Variants in PCDHGA1 observed in about 807,000 individuals in gnomAD.
PCDHGA1 encodes the protein protocadherin gamma subfamily A, 1, also known as protocadherin gamma-A1.
PCDHGA1 carries 32 observed loss-of-function variants against 58.0 expected under a neutral mutation model. The ratio of observed to expected loss-of-function variants is 0.55; its 90% CI spans 0.42 to 0.74. The LOEUF is 0.74. PCDHGA1 is among the 30% of genes least tolerant of loss of function. The pLI is 0.00. For synonymous variants in PCDHGA1, 498 were observed against 501.1 expected (o/e 0.99, Z 0.08); for missense variants, 1,205 against 1,182.3 (o/e 1.02, Z -0.28).
At chr5:141,374,042 C>G (rs757758510) in intron 1 of PCDHGA1, 4 of 1,460,408 alleles carry the variant, frequency 2.7e-6, no homozygotes, top group Admixed American at 5.4e-5. Context: ...CAGATCTGTT[C>G]TTCCTCTTCT....
chr5:141,470,972 C>T (rs1186771156), intron 1 of PCDHGA1, among the ~76,000 whole-genome samples: 3 of 151,988 alleles, frequency 2.0e-5, no homozygotes, highest in Non-Finnish European at 4.4e-5. Flanking sequence ...CCACCTCAGC[C>T]TCCCAAAGTG....
intron 1 of PCDHGA1, among the ~76,000 whole-genome samples, chr5:141,459,575 G>T (rs2098970751): frequency 1.3e-5 from 2 of 152,132 alleles, no homozygotes; most frequent in Admixed American, 6.5e-5. Context: ...AAACAGAATT[G>T]TTTTGGGGGT....
At chr5:141,406,185 A>G (rs1204342088) in intron 1 of PCDHGA1, among the ~76,000 whole-genome samples, 1 of 150,712 alleles carries the variant, frequency 6.6e-6, no homozygotes, top group Non-Finnish European at 1.5e-5. Flanking sequence ...CAATCCTCCC[A>G]CCTCAGCCTT....
intron 1 of PCDHGA1, chr5:141,355,788 G>A: frequency 6.2e-7 from 1 of 1,613,646 alleles, no homozygotes; most frequent in Non-Finnish European, 8.5e-7. Flanking sequence ...AGCTGGTGCT[G>A]GAACGCGCTC....
At chr5:141,344,310 G>A (rs372211258) in intron 1 of PCDHGA1, 1 of 1,614,090 alleles carries the variant, frequency 6.2e-7, no homozygotes, top group Non-Finnish European at 8.5e-7. Flanking sequence ...GATAGACCGG[G>A]AGGAGCTCTG....
Position 141,344,379 on chromosome 5 carries a change from A to C in PCDHGA1, c.2421+11274A>C. The C allele has an allele frequency of 5.0e-6, 8 of 1,613,106 alleles. No individual in the cohort carries two copies. Among genetic ancestry groups the C allele is most frequent in the Non-Finnish European group, 5.9e-6 (7 of 1,179,586 alleles). On this transcript the variant is annotated intron_variant, in intron 1 of 3. Coordinates refer to ENST00000517417, the MANE Select transcript of PCDHGA1 (RefSeq NM_018912.3). Reference sequence around the variant, plus strand: ...CATTCTGGTTGAGGATAAATTGAAAATTTTTGAAGTAGAAATAGAAATTAA... The same window carrying C: ...CATTCTGGTTGAGGATAAATTGAAACTTTTTGAAGTAGAAATAGAAATTAA...
At chr5:141,371,589 A>C (rs754175637) in intron 1 of PCDHGA1, 1 of 1,613,602 alleles carries the variant, frequency 6.2e-7, no homozygotes, top group South Asian at 1.1e-5. Context: ...TCAAGATACC[A>C]AAAACACATA....
At position 141,432,156 on chromosome 5, in the gene PCDHGA1, C is replaced by A; in HGVS notation, c.2422-62651C>A. On this transcript the variant is annotated intron_variant, in intron 1 of 3. Transcript: ENST00000517417. This position sits in a 1 kb window ranked among gnomAD's most constrained non-coding sequence, Gnocchi z 6.0. Reference sequence around the variant, plus strand: ...TCCGCTTATATCCCAGAGAACAATCCCAGAGGAGTTTCCCTCGTCTCTGTG... The same window carrying A: ...TCCGCTTATATCCCAGAGAACAATCACAGAGGAGTTTCCCTCGTCTCTGTG... The A allele has an allele frequency of 6.2e-7, 1 of 1,614,142 alleles. No homozygotes were observed. Among genetic ancestry groups the A allele is most frequent in the East Asian group, 2.2e-5 (1 of 44,874 alleles).
chr5:141,489,013 C>T lies in PCDHGA1; in HGVS notation c.2422-5794C>T, dbSNP rs533320646. ...AGGTGGGAGATCTGCTCTTCCAGCC[C>T]GCCTCTCCTCCTCCAGCTCCCCAGC... On this transcript the variant is annotated intron_variant, in intron 1 of 3. Coordinates refer to ENST00000517417, the MANE Select transcript of PCDHGA1 (RefSeq NM_018912.3). The surrounding 1 kb of genome is among the most constrained non-coding windows in gnomAD (Gnocchi z 4.5). 4.6e-5 allele frequency: 20 copies of T among 438,612 alleles called. No homozygotes were observed. Among genetic ancestry groups the T allele is most frequent in the East Asian group, 2.7e-4 (8 of 29,802 alleles). The allele number at this position is 438,612 out of a possible 1,614,324, so 27.2% of individuals were successfully genotyped here.
chr5:141,374,627 G>A (rs955993144), intron 1 of PCDHGA1: 2 of 1,613,064 alleles, frequency 1.2e-6, no homozygotes, highest in African/African-American at 1.3e-5. Flanking sequence ...CTCAGTGGAC[G>A]TGCAAAGCGA....
rs1760455892 is a variant in PCDHGA1 at position 141,357,080 on chromosome 5, G to A, written c.2421+23975G>A. The A allele has an allele frequency of 3.1e-6, 5 of 1,613,806 alleles. No homozygotes were observed. In the African/African-American group the frequency reaches 4.0e-5, roughly 13 times the overall value. On this transcript the variant is annotated intron_variant, in intron 1 of 3. Transcript: ENST00000517417. ...GTGGGGCTGCACACAGGCGAGGTGC[G>A]CACCGCACGGGCCCTGCTGGACAGA...
At chr5:141,439,500 TTCTC>T (rs1399113868) in intron 1 of PCDHGA1, among the ~76,000 whole-genome samples, 9 of 152,246 alleles carry the variant, frequency 5.9e-5, no homozygotes, top group Admixed American at 2.0e-4. Context: ...AGAAACGTCT[TTCTC>T]TCTGCTCTCA....
intron 1 of PCDHGA1, chr5:141,342,484 T>G (rs1757167035): frequency 6.6e-6 from 1 of 152,236 alleles, no homozygotes; most frequent in South Asian, 2.1e-4. Context: ...ATTGAGCCTT[T>G]TATTGAATGA....
intron 1 of PCDHGA1, chr5:141,422,396 A>G (rs767394630): frequency 6.3e-6 from 10 of 1,597,278 alleles, no homozygotes; most frequent in Non-Finnish European, 8.5e-6. Flanking sequence ...ATTCCTAACC[A>G]CCTGCCTTTT....
At chr5:141,422,789 T>A (rs776409955) in intron 1 of PCDHGA1, 16 of 1,614,158 alleles carry the variant, frequency 9.9e-6, no homozygotes, top group Non-Finnish European at 1.4e-5. Context: ...CTACAATCCT[T>A]CGACTATGAG....
Position 141,332,852 on chromosome 5 carries a change from G to A in PCDHGA1, c.2168G>A (p.Arg723His), listed in dbSNP as rs1338844043. Reference sequence around the variant, plus strand: ...AGGCTGCGGCGCTGGCACAAGTCACGTCTGCTACAGGCTTCGGGAGGCGGC... The same window carrying A: ...AGGCTGCGGCGCTGGCACAAGTCACATCTGCTACAGGCTTCGGGAGGCGGC... The part of the protein sequence containing the change: ...AHRLRRWHKS[R>H]LLQASGGGLA... The change falls in exon 1 of 4, where the codon CGT becomes CAT. Residue 723 changes from arginine (R) to histidine (H), a missense_variant. Physicochemically the swap from Arg to His is conservative, Grantham distance 29. Coordinates refer to ENST00000517417, the MANE Select transcript of PCDHGA1 (RefSeq NM_018912.3). This position sits in a 1 kb window ranked among gnomAD's most constrained non-coding sequence, Gnocchi z 4.6. 1.9e-6 allele frequency: 3 copies of A among 1,614,118 alleles called. No individual in the cohort carries two copies. Among genetic ancestry groups the A allele is most frequent in the African/African-American group, 1.3e-5 (1 of 74,942 alleles).
intron 1 of PCDHGA1, among the ~76,000 whole-genome samples, chr5:141,460,983 GTATATA>G (rs59296681): frequency 0.23 from 32,081 of 137,558 alleles, 4,351 homozygotes; most frequent in African/African-American, 0.39. Context: ...GTGTGTGTGT[GTATATA>G]TATATATGTG....
At chr5:141,364,321 A>G (rs762290044) in intron 1 of PCDHGA1, 21 of 1,526,304 alleles carry the variant, frequency 1.4e-5, no homozygotes, top group Middle Eastern at 1.8e-4. Flanking sequence ...AATTGGGCAG[A>G]GAGAAGGCAA....
chr5:141,462,009 G>A (rs2099028674), intron 1 of PCDHGA1, among the ~76,000 whole-genome samples: 1 of 152,190 alleles, frequency 6.6e-6, no homozygotes, highest in Admixed American at 6.5e-5. Context: ...TTTTAATAGA[G>A]ACGGGGTTTC....
Sources: allele counts gnomAD v4.1 joint callset (sites outside exome capture counted in the v4.1 genomes callset), GRCh38; gene constraint gnomAD v4.1.1; non-coding constraint Gnocchi (gnomAD v3.1); transcripts MANE v1.5; gene names NCBI Gene and HGNC (gene_info 2026-07-23, HGNC 2026-07-21).